CACNA1D: variants seen among roughly 807,000 people sequenced by gnomAD.
CACNA1D encodes the protein calcium voltage-gated channel subunit alpha1 D, also known as voltage-dependent L-type calcium channel subunit alpha-1D.
In CACNA1D, 55 loss-of-function variants were observed where a neutral mutation model predicts 257.1. The observed-to-expected ratio is 0.21, with a 90% CI of 0.17 to 0.27. CACNA1D has a LOEUF of 0.27. Ranked by LOEUF, CACNA1D falls within the 10% of genes least tolerant of loss-of-function variation. CACNA1D has a pLI of 1.00. For synonymous variants in CACNA1D, 980 were observed against 1,014.9 expected, an observed-to-expected ratio of 0.97 and a Z score of 0.65; for missense variants, 1,876 against 2,784.0, an observed-to-expected ratio of 0.67 and a Z score of 7.34.
In CACNA1D at chr3:53,800,962, AG is replaced by A; in HGVS notation, c.5041-95del. ...TACAGGGATCCTACGGAGCTTGCCT[AG>A]AATTTGTTTTTCATGTAGAAAAAGT... On this transcript the variant is annotated intron_variant, in intron 41 of 47. Transcript: ENST00000350061. The surrounding 1 kb of genome is among the most constrained non-coding windows in gnomAD (Gnocchi z 4.3). 1 of 1,217,946 alleles carries A rather than the reference AG, an allele frequency of 8.2e-7. No homozygotes were observed. Among genetic ancestry groups the A allele is most frequent in the Non-Finnish European group, 1.2e-6 (1 of 824,734 alleles). 75.4% of individuals were successfully genotyped at this position (1,217,946 alleles called of 1,614,324 possible). A position where few individuals can be genotyped will look rare whatever the true frequency, so the allele number is the denominator to read the frequency against.
intron 3 of CACNA1D, among the ~76,000 whole-genome samples, chr3:53,533,384 G>A (rs1480346708): frequency 6.6e-6 from 1 of 152,168 alleles, no homozygotes; most frequent in Non-Finnish European, 1.5e-5. Flanking sequence ...AGAGATTGGG[G>A]TGACTTTGGC....
intron 20 of CACNA1D, among the ~76,000 whole-genome samples, chr3:53,736,889 A>G (rs1228533083): frequency 7.7e-6 from 1 of 129,978 alleles, no homozygotes; most frequent in Non-Finnish European, 1.6e-5. Flanking sequence ...CCCTGTCTCT[A>G]AAAAAAAAAA....
intron 43 of CACNA1D, among the ~76,000 whole-genome samples, chr3:53,802,513 T>G (rs1237633115): frequency 6.6e-6 from 1 of 152,242 alleles, no homozygotes; most frequent in Non-Finnish European, 1.5e-5. Flanking sequence ...GGCTGCTCTC[T>G]GGGGTCAAGC....
Position 53,751,416 on chromosome 3 carries a change from AC to A in CACNA1D, c.3517-332del, listed in dbSNP as rs572188655. On this transcript the variant is annotated intron_variant, in intron 27 of 47. Transcript: ENST00000350061. The surrounding 1 kb of genome is among the most constrained non-coding windows in gnomAD (Gnocchi z 4.3). ...GTGATAAGGCCTGGACCCAGTCCTC[AC>A]TCCTGCTTGTGTATACACTGCAGGG... Among the ~76,000 whole-genome samples, 32 of 152,176 alleles carry A rather than the reference AC, an allele frequency of 2.1e-4. 1 individual carries two copies. In the East Asian group the frequency reaches 6.2e-3, roughly 29 times the overall value.
chr3:53,522,382 C>T (rs1035098097), intron 3 of CACNA1D, among the ~76,000 whole-genome samples: 2 of 152,160 alleles, frequency 1.3e-5, no homozygotes, highest in African/African-American at 2.4e-5. Flanking sequence ...CTAGCAAGCC[C>T]CCTACCCAGA....
At chr3:53,646,624 G>A (rs2094023553) in intron 3 of CACNA1D, among the ~76,000 whole-genome samples, 2 of 152,196 alleles carry the variant, frequency 1.3e-5, no homozygotes, top group Non-Finnish European at 2.9e-5. Flanking sequence ...GTCAGTGGGA[G>A]AGGGGGACTT....
chr3:53,592,215 A>G (rs565819147), intron 3 of CACNA1D, among the ~76,000 whole-genome samples: 33 of 152,304 alleles, frequency 2.2e-4, no homozygotes, highest in African/African-American at 7.7e-4. Flanking sequence ...GGGAAGACTT[A>G]TGTTGATTGG....
intron 3 of CACNA1D, among the ~76,000 whole-genome samples, chr3:53,607,224 G>A (rs891556385): frequency 6.6e-6 from 1 of 152,178 alleles, no homozygotes; most frequent in African/African-American, 2.4e-5. Context: ...ATGTAGGTGG[G>A]GTTTTGGCCC....
intron 45 of CACNA1D, among the ~76,000 whole-genome samples, chr3:53,806,687 C>T (rs1357402450): frequency 2.0e-5 from 3 of 152,202 alleles, no homozygotes; most frequent in African/African-American, 7.2e-5. Flanking sequence ...ATAAAGAGCA[C>T]CACTGGGAGG....
intron 3 of CACNA1D, among the ~76,000 whole-genome samples, chr3:53,521,058 T>C (rs767883410): frequency 6.6e-6 from 1 of 151,806 alleles, no homozygotes; most frequent in Non-Finnish European, 1.5e-5. Context: ...CTTTCTCTTT[T>C]CTTCAGGCTT....
At chr3:53,758,518 G>A (rs2095280643) in intron 29 of CACNA1D, among the ~76,000 whole-genome samples, 1 of 152,160 alleles carries the variant, frequency 6.6e-6, no homozygotes, top group African/African-American at 2.4e-5. Flanking sequence ...TAAGAGATGT[G>A]CCTTCCAGGA....
intron 8 of CACNA1D, among the ~76,000 whole-genome samples, chr3:53,700,372 G>A (rs1432503171): frequency 1.3e-5 from 2 of 152,052 alleles, no homozygotes; most frequent in Non-Finnish European, 2.9e-5. Flanking sequence ...TTTTCTTTGA[G>A]ATGTATTTAA....
At chr3:53,592,000 G>A (rs977346775) in intron 3 of CACNA1D, among the ~76,000 whole-genome samples, 14 of 152,064 alleles carry the variant, frequency 9.2e-5, no homozygotes, top group Admixed American at 7.9e-4. Context: ...TCTTCTGTAC[G>A]CTAGGGTGTC....
intron 3 of CACNA1D, among the ~76,000 whole-genome samples, chr3:53,567,891 G>C (rs574077799): frequency 6.6e-6 from 1 of 152,274 alleles, no homozygotes; most frequent in Non-Finnish European, 1.5e-5. Flanking sequence ...GCTTGCATCA[G>C]GAATTCCTAG....
At position 53,543,972 on chromosome 3, in the gene CACNA1D, CTGTG is replaced by C. The variant is rs562642020; in HGVS notation, c.483+42256_483+42259del. On this transcript the variant is annotated intron_variant, in intron 3 of 47. Coordinates refer to ENST00000350061, the MANE Select transcript of CACNA1D (RefSeq NM_001128840.3). ...ACAGATTTGCTCATCTTTAATGTTT[CTGTG>C]TGTTTCCTTCGTTTGTGTTTTTATG... Among the ~76,000 whole-genome samples, 13 of 152,296 alleles carry C rather than the reference CTGTG, an allele frequency of 8.5e-5. No individual in the cohort carries two copies. The South Asian group carries it at 2.5e-3, about 29-fold the overall frequency.
Position 53,723,959 on chromosome 3 carries a change from C to G in CACNA1D, c.2060C>G (p.Thr687Ser). The G allele has an allele frequency of 2.5e-6, 4 of 1,614,162 alleles. No individual in the cohort carries two copies. Among genetic ancestry groups the G allele is most frequent in the Non-Finnish European group, 3.4e-6 (4 of 1,180,040 alleles). ...NFDETQTKRS[T>S]FDNFPQALLT... ...GATGAAACGCAAACCAAGCGGAGCA[C>G]CTTTGACAATTTCCCTCAAGCACTT... The change falls in exon 14 of 48, where the codon ACC (threonine) becomes AGC (serine). Residue 687 changes from threonine (T) to serine (S), a missense_variant. Around this residue, in one of 10 missense-constraint regions of CACNA1D, gnomAD observed 257 missense variants for 399.7 expected, o/e 0.64. Coordinates refer to ENST00000350061, the MANE Select transcript of CACNA1D (RefSeq NM_001128840.3). This position sits in a 1 kb window ranked among gnomAD's most constrained non-coding sequence, Gnocchi z 5.6.
At position 53,584,052 on chromosome 3, in the gene CACNA1D, A is replaced by T. The variant is rs144408935; in HGVS notation, c.484-66727A>T. ...ATATAGGTGGGGTCTGGACATCCTG[A>T]GTGATCATTCTCATCTACCACTCCT... On this transcript the variant is annotated intron_variant, in intron 3 of 47. Coordinates refer to ENST00000350061, the MANE Select transcript of CACNA1D (RefSeq NM_001128840.3). 3.7e-3 allele frequency among the ~76,000 whole-genome samples: 556 copies of T among 152,272 alleles called. 3 individuals carry two copies. Among genetic ancestry groups the T allele is most frequent in the African/African-American group, 0.013 (523 of 41,550 alleles).
intron 3 of CACNA1D, among the ~76,000 whole-genome samples, chr3:53,649,816 G>A (rs1318296944): frequency 6.6e-6 from 1 of 152,214 alleles, no homozygotes; most frequent in Non-Finnish European, 1.5e-5. Flanking sequence ...TCATGCCGAG[G>A]AATGCCTCTT....
chr3:53,616,461 C>T (rs1053915957), intron 3 of CACNA1D, among the ~76,000 whole-genome samples: 4 of 152,306 alleles, frequency 2.6e-5, no homozygotes, highest in Admixed American at 6.5e-5. Flanking sequence ...GAGGCTCACA[C>T]GCACATTCTG....
Sources: gnomAD v4.1 joint callset for allele counts (sites outside exome capture counted in the v4.1 genomes callset) on GRCh38, gnomAD v4.1.1 for gene constraint, gnomAD v4.1.1 regional missense constraint, Gnocchi (gnomAD v3.1) non-coding constraint, MANE v1.5 for transcripts, NCBI Gene and HGNC (gene_info 2026-07-23, HGNC 2026-07-21) for gene names.